The following UBE2E1 variants were observed in gnomAD, a reference collection of about 807,000 sequenced individuals.
UBE2E1 encodes ubiquitin conjugating enzyme E2 E1.
In UBE2E1, 6 loss-of-function variants were observed where a neutral mutation model predicts 21.4. That is an observed-to-expected ratio of 0.28 (90% CI 0.15 to 0.55). The LOEUF (loss-of-function observed/expected upper bound fraction) is 0.55. Among genes scored for constraint, UBE2E1 ranks in the 20% least tolerant of loss-of-function variants. The pLI is 0.93. For synonymous variants in UBE2E1, 87 were observed against 82.7 expected, an observed-to-expected ratio of 1.05 and a Z score of -0.28; for missense variants, 142 against 236.5, an observed-to-expected ratio of 0.60 and a Z score of 2.62.
At chr3:23,860,633 C>G (rs1463675919) in intron 3 of UBE2E1, among the ~76,000 whole-genome samples, 5 of 152,176 alleles carry the variant, frequency 3.3e-5, no homozygotes, top group African/African-American at 1.2e-4. Flanking sequence ...ACCAACGTAT[C>G]AAGTGAACTG....
chr3:23,828,281 A>G (rs970777670), intron 3 of UBE2E1, among the ~76,000 whole-genome samples: 2 of 152,244 alleles, frequency 1.3e-5, no homozygotes, highest in Non-Finnish European at 2.9e-5. Flanking sequence ...TCAATCACAG[A>G]AACATGTAGG....
At chr3:23,835,103 C>G (rs537357344) in intron 3 of UBE2E1, among the ~76,000 whole-genome samples, 2 of 152,166 alleles carry the variant, frequency 1.3e-5, no homozygotes, top group Admixed American at 1.3e-4. Context: ...TTGAAGCAGT[C>G]TAGCATTAAC....
chr3:23,842,414 T>G lies in UBE2E1; in HGVS notation c.203+30904T>G, dbSNP rs1335365081. 6.6e-6 allele frequency among the ~76,000 whole-genome samples: 1 copy of G among 152,144 alleles called. No individual in the cohort carries two copies. Among genetic ancestry groups the G allele is most frequent in the Non-Finnish European group, 1.5e-5 (1 of 68,042 alleles). On this transcript the variant is annotated intron_variant, in intron 3 of 5. Coordinates refer to ENST00000306627, the MANE Select transcript of UBE2E1 (RefSeq NM_003341.5). The surrounding 1 kb of genome is among the most constrained non-coding windows in gnomAD (Gnocchi z 4.6). ...GCACATGCCACGATTCCCAGCTAAT[T>G]TTTCTATTTTTTTGTGGAGACGGAG...
rs1700116649 is a variant in UBE2E1, at chr3:23,842,426, T to C, written c.203+30916T>C. ...ATTCCCAGCTAATTTTTCTATTTTT[T>C]TGTGGAGACGGAGTCGTGCCATGTT... On this transcript the variant is annotated intron_variant, in intron 3 of 5. Coordinates refer to ENST00000306627, the MANE Select transcript of UBE2E1 (RefSeq NM_003341.5). This position sits in a 1 kb window ranked among gnomAD's most constrained non-coding sequence, Gnocchi z 4.6. Among the ~76,000 whole-genome samples the C allele has an allele frequency of 1.3e-5, 2 of 152,136 alleles. No individual in the cohort carries two copies. The highest frequency in any genetic ancestry group is 4.8e-5 in the African/African-American group (2 of 41,420).
intron 3 of UBE2E1, among the ~76,000 whole-genome samples, chr3:23,814,107 GGCATGGTGATGCAC>G (rs1699459673): frequency 6.6e-6 from 1 of 151,838 alleles, no homozygotes; most frequent in South Asian, 2.1e-4. Context: ...AAATTAGCCG[GGCATGGTGATGCAC>G]TCCAGCCTGG....
chr3:23,849,134 A>G (rs2125305956), intron 3 of UBE2E1, among the ~76,000 whole-genome samples: 1 of 152,036 alleles, frequency 6.6e-6, no homozygotes, highest in East Asian at 1.9e-4. Context: ...GGAACCTGGG[A>G]GTGGTTTTGC....
chr3:23,885,874 A>T (rs1196041169), intron 3 of UBE2E1, among the ~76,000 whole-genome samples: 1 of 151,576 alleles, frequency 6.6e-6, no homozygotes, highest in Non-Finnish European at 1.5e-5. Context: ...AAACAAACAA[A>T]AAAAACAAAA....
rs1423855328 is a variant in UBE2E1 at position 23,887,219 on chromosome 3, G to A, written c.204-348G>A. Among the ~76,000 whole-genome samples, 4 of 152,138 alleles carry A rather than the reference G, an allele frequency of 2.6e-5. No individual in the cohort carries two copies. The highest frequency in any genetic ancestry group is 4.1e-4 in the South Asian group (2 of 4,828). On this transcript the variant is annotated intron_variant, in intron 3 of 5. Transcript: ENST00000306627. The surrounding 1 kb of genome is among the most constrained non-coding windows in gnomAD (Gnocchi z 4.4). ...ATGTAGCTGTGAGCAAAAACTGCTCGCATTTGTCACTAATTTCGCTTCTAG... is the reference window on the plus strand; with the variant it reads ...ATGTAGCTGTGAGCAAAAACTGCTCACATTTGTCACTAATTTCGCTTCTAG...
At chr3:23,875,691 C>T (rs912637050) in intron 3 of UBE2E1, among the ~76,000 whole-genome samples, 1 of 152,210 alleles carries the variant, frequency 6.6e-6, no homozygotes, top group Non-Finnish European at 1.5e-5. Flanking sequence ...CTGGGATAGT[C>T]TCCTTCCCAT....
chr3:23,865,749 G>A (rs1391947905), intron 3 of UBE2E1, among the ~76,000 whole-genome samples: 1 of 152,174 alleles, frequency 6.6e-6, no homozygotes, highest in Non-Finnish European at 1.5e-5. Context: ...GAAACCAACT[G>A]ATACCAACAT....
chr3:23,828,316 A>G (rs2125291699), intron 3 of UBE2E1, among the ~76,000 whole-genome samples: 1 of 152,340 alleles, frequency 6.6e-6, no homozygotes, highest in Non-Finnish European at 1.5e-5. Context: ...TCATAAATAC[A>G]GTGTTTTAAT....
intron 3 of UBE2E1, among the ~76,000 whole-genome samples, chr3:23,856,125 C>G (rs543497540): frequency 2.6e-5 from 4 of 152,128 alleles, no homozygotes; most frequent in Non-Finnish European, 5.9e-5. Context: ...CTCCTGGGTT[C>G]AAGCAATTCT....
At chr3:23,875,012 C>G (rs1184763743) in intron 3 of UBE2E1, among the ~76,000 whole-genome samples, 2 of 151,960 alleles carry the variant, frequency 1.3e-5, no homozygotes. Flanking sequence ...CCCCTAATGT[C>G]CACATTTTTT....
chr3:23,861,532 C>T (rs1025544703), intron 3 of UBE2E1, among the ~76,000 whole-genome samples: 1 of 152,190 alleles, frequency 6.6e-6, no homozygotes, highest in Non-Finnish European at 1.5e-5. Context: ...CCAAATGTTG[C>T]ATTTCCCAAG....
chr3:23,884,063 C>T (rs1701119479), intron 3 of UBE2E1, among the ~76,000 whole-genome samples: 1 of 152,124 alleles, frequency 6.6e-6, no homozygotes, highest in Non-Finnish European at 1.5e-5. Flanking sequence ...TATTATTTCA[C>T]TTAGCATTTA....
chr3:23,887,755 T>C lies in UBE2E1; in HGVS notation c.336+56T>C. ...CTAATTCCCACAAGAGAGCAACTGT[T>C]GAGGTTTTTCTAAATTTAATTTTTA... is the stretch of plus-strand genomic sequence containing the variant. On this transcript the variant is annotated intron_variant, in intron 4 of 5. Coordinates refer to ENST00000306627, the MANE Select transcript of UBE2E1 (RefSeq NM_003341.5). This position sits in a 1 kb window ranked among gnomAD's most constrained non-coding sequence, Gnocchi z 4.4. The C allele has an allele frequency of 6.4e-7, 1 of 1,551,920 alleles. No homozygotes were observed. Among genetic ancestry groups the C allele is most frequent in the Non-Finnish European group, 8.7e-7 (1 of 1,155,924 alleles).
intron 3 of UBE2E1, among the ~76,000 whole-genome samples, chr3:23,881,382 C>A (rs1464956377): frequency 6.6e-6 from 1 of 152,182 alleles, no homozygotes; most frequent in Non-Finnish European, 1.5e-5. Flanking sequence ...TACAAATAAA[C>A]CTTAAACCTC....
chr3:23,837,868 G>T (rs1202406616), intron 3 of UBE2E1, among the ~76,000 whole-genome samples: 1 of 152,156 alleles, frequency 6.6e-6, no homozygotes, highest in African/African-American at 2.4e-5. Flanking sequence ...GGAGAACTGA[G>T]AATTAGAAAT....
rs1553637746 is a variant in UBE2E1 at position 23,842,250 on chromosome 3, G to GTGTGGTGGTGT, written c.203+30743_203+30744insGGTGGTGTTGT. Among the ~76,000 whole-genome samples, 3 of 86,368 alleles carry GTGTGGTGGTGT rather than the reference G, an allele frequency of 3.5e-5. No homozygotes were observed. Among genetic ancestry groups the GTGTGGTGGTGT allele is most frequent in the South Asian group, 4.4e-4 (1 of 2,282 alleles). 56.7% of individuals were successfully genotyped at this position (86,368 alleles called of 152,430 possible). On this transcript the variant is annotated intron_variant, in intron 3 of 5. Coordinates refer to ENST00000306627, the MANE Select transcript of UBE2E1 (RefSeq NM_003341.5). This position sits in a 1 kb window ranked among gnomAD's most constrained non-coding sequence, Gnocchi z 4.6. The stretch of plus-strand genomic sequence containing the variant: ...GTGTGTGTGTGTGTGTGTGTGTGTG[G>GTGTGGTGGTGT]TGTTGTTGTTGTTGGCGACAGGGTC...
Sources: gnomAD v4.1 joint callset for allele counts (sites outside exome capture counted in the v4.1 genomes callset) on GRCh38, gnomAD v4.1.1 for gene constraint, Gnocchi (gnomAD v3.1) non-coding constraint, MANE v1.5 for transcripts, NCBI Gene and HGNC (gene_info 2026-07-23, HGNC 2026-07-21) for gene names.